The following LAMP1 variants were observed in gnomAD, a reference collection of about 807,000 sequenced individuals.
LAMP1 encodes the protein lysosome associated membrane protein 1.
In LAMP1, 7 loss-of-function variants were observed where a neutral mutation model predicts 37.5. That is an observed-to-expected ratio of 0.19 (90% confidence interval 0.11 to 0.35). The LOEUF (loss-of-function observed/expected upper bound fraction) is 0.35. Among genes scored for constraint, LAMP1 ranks in the 10% least tolerant of loss-of-function variants. LAMP1 has a pLI of 1.00. For missense variants in LAMP1, 537 were observed against 552.8 expected, an observed-to-expected ratio of 0.97 and a Z score of 0.29; for synonymous variants, 236 against 229.1, an observed-to-expected ratio of 1.03 and a Z score of -0.27.
In LAMP1 at chr13:113,315,768, T is replaced by G. The variant is rs561069624; in HGVS notation, c.563-3701T>G. 3.3e-5 allele frequency among the ~76,000 whole-genome samples: 5 copies of G among 152,180 alleles called. No individual in the cohort carries two copies. In the South Asian group the frequency reaches 8.3e-4, roughly 25 times the overall value. The stretch of plus-strand genomic sequence containing the variant: ...GCACAAGCCACCTTTGAATGGACTT[T>G]CCTGTTGGTTTTGTACCTTCCTTCC... On this transcript the variant is annotated intron_variant, in intron 4 of 8. Coordinates refer to ENST00000332556, the MANE Select transcript of LAMP1 (RefSeq NM_005561.4).
chr13:113,315,614 C>T (rs1411177045), intron 4 of LAMP1, among the ~76,000 whole-genome samples: 3 of 151,230 alleles, frequency 2.0e-5, no homozygotes, highest in African/African-American at 7.3e-5. Flanking sequence ...TGGTCTTGAG[C>T]TCCTGACCTC....
intron 4 of LAMP1, among the ~76,000 whole-genome samples, chr13:113,313,014 T>C (rs2042638749): frequency 6.6e-6 from 1 of 152,216 alleles, no homozygotes. Context: ...ACGCACTCTC[T>C]GTCAGAGCTT....
Position 113,321,468 on chromosome 13 carries a change from G to C in LAMP1, c.941G>C (p.Arg314Thr). The C allele has an allele frequency of 6.2e-7, 1 of 1,614,136 alleles. No individual in the cohort carries two copies. The highest frequency in any genetic ancestry group is 8.5e-7 in the Non-Finnish European group (1 of 1,179,998). The change falls in exon 7 of 9, where the codon AGA becomes ACA. Residue 314 changes from arginine to threonine, a missense_variant and splice_region_variant. Physicochemically the swap from Arg to Thr is moderately conservative, Grantham distance 71. Transcript: ENST00000332556. This position sits in a 1 kb window ranked among gnomAD's most constrained non-coding sequence, Gnocchi z 5.6. Reference sequence around the variant, plus strand: ...TTGAATACAATTCTTCCTGACGCCAGAGGTGAGAACCCACAATCTCTGCGA... The same window carrying C: ...TTGAATACAATTCTTCCTGACGCCACAGGTGAGAACCCACAATCTCTGCGA... ...IQLNTILPDA[R>T]DPAFKAANGS...
chr13:113,299,305 C>T (rs1012879163), intron 1 of LAMP1, among the ~76,000 whole-genome samples: 11 of 151,240 alleles, frequency 7.3e-5, no homozygotes, highest in Admixed American at 7.3e-4. Context: ...TTGCTCTGTG[C>T]CCAGGCTGGA....
intron 1 of LAMP1, among the ~76,000 whole-genome samples, chr13:113,301,142 T>C (rs1379468272): frequency 1.3e-5 from 2 of 152,170 alleles, no homozygotes; most frequent in African/African-American, 4.8e-5. Context: ...ATCAATTTTA[T>C]AGCAGTGGCT....
intron 1 of LAMP1, chr13:113,305,629 G>A (rs1661508412): frequency 1.3e-5 from 2 of 152,208 alleles, no homozygotes; most frequent in African/African-American, 4.8e-5. Flanking sequence ...TTTGCTTCAG[G>A]ATGGGGAAGG....
chr13:113,309,895 T>G, intron 3 of LAMP1, 33 bp downstream of exon 3: 19 of 1,533,400 alleles, frequency 1.2e-5, no homozygotes, highest in Non-Finnish European at 1.7e-5. Context: ...TATGAAGTGA[T>G]AGAAAATTGG....
intron 2 of LAMP1, among the ~76,000 whole-genome samples, chr13:113,307,170 T>TG (rs1198515511): frequency 6.9e-6 from 1 of 144,674 alleles, no homozygotes; most frequent in Non-Finnish European, 1.5e-5. Flanking sequence ...TTTCTTTTTT[T>TG]TTTTTGAGAT....
intron 1 of LAMP1, among the ~76,000 whole-genome samples, chr13:113,300,903 T>C (rs2042567508): frequency 6.6e-6 from 1 of 152,218 alleles, no homozygotes; most frequent in South Asian, 2.1e-4. Context: ...AGAATGAATT[T>C]GTCAGCAGAT....
intron 4 of LAMP1, among the ~76,000 whole-genome samples, chr13:113,315,382 CTTTTTTTTTTT>C (rs1158608278): frequency 9.9e-4 from 60 of 60,432 alleles, no homozygotes; most frequent in Non-Finnish European, 1.3e-3. Context: ...TGTATCTTGT[CTTTTTTTTTTT>C]TTTTTTTTTT....
chr13:113,314,420 G>C (rs1241977547), intron 4 of LAMP1, among the ~76,000 whole-genome samples: 8 of 103,716 alleles, frequency 7.7e-5, no homozygotes, highest in South Asian at 3.4e-4. Flanking sequence ...CTCCTAGAGG[G>C]AGTCAGTGTG....
At chr13:113,298,684 T>C (rs910810279) in intron 1 of LAMP1, among the ~76,000 whole-genome samples, 10 of 152,248 alleles carry the variant, frequency 6.6e-5, no homozygotes, top group Non-Finnish European at 5.9e-5. Flanking sequence ...GATGAACTTA[T>C]TCCAATAGTA....
intron 4 of LAMP1, among the ~76,000 whole-genome samples, chr13:113,314,172 A>C (rs1261886067): frequency 0.052 from 1,120 of 21,632 alleles, no homozygotes; most frequent in Admixed American, 0.074. Context: ...GGCGTGGCCT[A>C]CTAGAGGGAG....
intron 2 of LAMP1, among the ~76,000 whole-genome samples, chr13:113,307,460 A>G (rs2042605970): frequency 6.6e-6 from 1 of 152,092 alleles, no homozygotes; most frequent in Non-Finnish European, 1.5e-5. Context: ...TCCCAGCTCT[A>G]GTTTTCTTCG....
rs919475451 is a variant in LAMP1 at position 113,321,816 on chromosome 13, G to C, written c.1114+89G>C. On this transcript the variant is annotated intron_variant, in intron 8 of 8. Coordinates refer to ENST00000332556, the MANE Select transcript of LAMP1 (RefSeq NM_005561.4). This position sits in a 1 kb window ranked among gnomAD's most constrained non-coding sequence, Gnocchi z 5.6. ...ACGTTTAGTCGCTTCCGTGTGGGCT[G>C]GGGCGACGCCCCTGTTCCTCTGCAA... The C allele has an allele frequency of 1.5e-6, 2 of 1,321,302 alleles. No individual in the cohort carries two copies. Among genetic ancestry groups the C allele is most frequent in the Non-Finnish European group, 2.1e-6 (2 of 943,144 alleles). The allele number at this position is 1,321,302 out of a possible 1,614,324, so 81.8% of individuals were successfully genotyped here.
At chr13:113,309,914 A>G (rs770057675) in intron 3 of LAMP1, 52 bp downstream of exon 3, 1 of 1,459,974 alleles carries the variant, frequency 6.8e-7, no homozygotes, top group South Asian at 1.2e-5. Flanking sequence ...GGGTTGGAGG[A>G]TTGTCTAAAG....
At chr13:113,311,000 T>A (rs1479256468) in intron 4 of LAMP1, 133 bp downstream of exon 4, 3 of 673,690 alleles carry the variant, frequency 4.5e-6, no homozygotes, top group African/African-American at 1.8e-5. Flanking sequence ...GCCGGCGACG[T>A]CTCTGCAGAA....
rs2042703086 is a variant in LAMP1, at chr13:113,321,910, G to C, written c.1114+183G>C. 1.6e-6 allele frequency: 1 copy of C among 629,980 alleles called. No homozygotes were observed. Among genetic ancestry groups the C allele is most frequent in the South Asian group, 2.0e-5 (1 of 50,538 alleles). The allele number at this position is 629,980 out of a possible 1,614,324, so 39.0% of individuals were successfully genotyped here. On this transcript the variant is annotated intron_variant, in intron 8 of 8. Transcript: ENST00000332556. The surrounding 1 kb of genome is among the most constrained non-coding windows in gnomAD (Gnocchi z 5.6). ...CCCCTGCTTTAGAGAGGCCCAGCGT[G>C]TCTCTCAGCTGGGAGCCCCTGGTAC...
chr13:113,321,479 C>G lies in LAMP1; in HGVS notation c.943+9C>G. 1 of 1,613,924 alleles carries G rather than the reference C, an allele frequency of 6.2e-7. No individual in the cohort carries two copies. Among genetic ancestry groups the G allele is most frequent in the Non-Finnish European group, 8.5e-7 (1 of 1,179,886 alleles). On this transcript the variant is annotated intron_variant, in intron 7 of 8. Transcript: ENST00000332556. This position sits in a 1 kb window ranked among gnomAD's most constrained non-coding sequence, Gnocchi z 5.6. ...TCTTCCTGACGCCAGAGGTGAGAACCCACAATCTCTGCGAGCCCCGCCCCC... is the reference window on the plus strand; with the variant it reads ...TCTTCCTGACGCCAGAGGTGAGAACGCACAATCTCTGCGAGCCCCGCCCCC...
Sources: allele counts gnomAD v4.1 joint callset (sites outside exome capture counted in the v4.1 genomes callset), GRCh38; gene constraint gnomAD v4.1.1; non-coding constraint Gnocchi (gnomAD v3.1); transcripts MANE v1.5; gene names NCBI Gene and HGNC (gene_info 2026-07-23, HGNC 2026-07-21).